SFPQ: variants seen among roughly 807,000 people sequenced by gnomAD.
SFPQ encodes splicing factor proline and glutamine rich.
SFPQ carries 11 observed loss-of-function variants against 72.9 expected under a neutral mutation model. The ratio of observed to expected loss-of-function variants is 0.15; its 90% CI spans 0.09 to 0.25. SFPQ has a LOEUF of 0.25. Among genes scored for constraint, SFPQ ranks in the 10% least tolerant of loss-of-function variants. The pLI is 1.00. For missense variants in SFPQ, 847 were observed against 993.3 expected (o/e 0.85, Z 1.98); for synonymous variants, 506 against 367.3 (o/e 1.38, Z -4.32).
At chr1:35,185,893 G>C (rs1639691655) in intron 9 of SFPQ, among the ~76,000 whole-genome samples, 1 of 152,090 alleles carries the variant, frequency 6.6e-6, no homozygotes, top group Non-Finnish European at 1.5e-5. Context: ...CTGTTATCTA[G>C]AATATAAACC....
downstream of SFPQ, chr1:35,179,663 T>C (rs1639387130): frequency 9.5e-7 from 1 of 1,056,084 alleles, no homozygotes. Flanking sequence ...AGTTTCTCAT[T>C]CTAAAGTGCA....
At chr1:35,177,598 G>A (rs919664676) in intron 4 of SFPQ, 2 of 152,622 alleles carry the variant, frequency 1.3e-5, no homozygotes, top group East Asian at 3.8e-4. Flanking sequence ...GCCTCCCAAA[G>A]TGCTAGGAAT....
downstream of SFPQ, chr1:35,178,910 T>A (rs1286704180): frequency 2.9e-6 from 3 of 1,052,422 alleles, no homozygotes; most frequent in African/African-American, 5.0e-5. Flanking sequence ...AATATTTTTT[T>A]CAGCACTGGT....
downstream of SFPQ, chr1:35,178,502 T>C: frequency 9.4e-7 from 1 of 1,062,992 alleles, no homozygotes; most frequent in Non-Finnish European, 1.1e-6. Context: ...CCAACTCCCC[T>C]TCCCACAGTA....
At chr1:35,182,401 G>A (rs987569643), downstream of SFPQ, 11 of 985,132 alleles carry the variant, frequency 1.1e-5, no homozygotes, top group Middle Eastern at 1.0e-3. Flanking sequence ...TCATATTTCC[G>A]AGTGTGCTGG....
chr1:35,178,681 G>A, downstream of SFPQ: 1 of 1,055,302 alleles, frequency 9.5e-7, no homozygotes, highest in South Asian at 4.6e-5. Flanking sequence ...TATATGCCTG[G>A]CAGGGCCACA....
chr1:35,190,614 A>C (rs769926593), intron 3 of SFPQ, 21 bp from the exon 4 acceptor site: 14 of 1,609,938 alleles, frequency 8.7e-6, no homozygotes. Flanking sequence ...AAATGGTTCC[A>C]TCTTAGCTTT....
chr1:35,181,350 A>T, downstream of SFPQ: 3 of 1,065,338 alleles, frequency 2.8e-6, no homozygotes, highest in Non-Finnish European at 2.3e-6. Context: ...GGCTTGCCCA[A>T]GAAAAGCCAA....
chr1:35,190,988 C>T lies in SFPQ; in HGVS notation c.1025G>A (p.Arg342Lys). Residue 342 changes from arginine to lysine, a missense_variant, in exon 3 of 10, where the codon AGA (arginine) becomes AAA (lysine). Coordinates refer to ENST00000357214, the MANE Select transcript of SFPQ (RefSeq NM_005066.3). Reference protein sequence around the residue: ...KGFGFIKLESRALAEIAKAEL... With the variant: ...KGFGFIKLESKALAEIAKAEL... The stretch of plus-strand genomic sequence containing the variant: ...GGCTTTGGCAATTTCAGCCAAAGCT[C>T]TAGATTCCTGTGTATCAGAGACACT... 6.2e-7 allele frequency: 1 copy of T among 1,612,916 alleles called. No homozygotes were observed. The highest frequency in any genetic ancestry group is 8.5e-7 in the Non-Finnish European group (1 of 1,179,514).
At chr1:35,182,013 A>G (rs922446018), downstream of SFPQ, 20 of 985,294 alleles carry the variant, frequency 2.0e-5, no homozygotes, top group African/African-American at 3.5e-5. Flanking sequence ...GAGATTATCC[A>G]TTAGCATCCT....
At chr1:35,180,906 C>T (rs1639441459), downstream of SFPQ, 1 of 985,266 alleles carries the variant, frequency 1.0e-6, no homozygotes, top group Non-Finnish European at 1.2e-6. Context: ...TCAGATATAC[C>T]AAAGAATCAA....
chr1:35,178,877 T>G (rs980824358), downstream of SFPQ: 9 of 1,039,592 alleles, frequency 8.7e-6, no homozygotes, highest in African/African-American at 1.8e-5. Flanking sequence ...CAAGCCCTTT[T>G]CACTCTCAAA....
chr1:35,182,675 G>A, downstream of SFPQ: 3 of 985,370 alleles, frequency 3.0e-6, no homozygotes, highest in Non-Finnish European at 1.2e-6. Flanking sequence ...CAAGAAAAGA[G>A]GTGAAAAGGA....
rs1257996332 is a variant in SFPQ, at chr1:35,192,300, G to C, written c.750C>G (p.Pro250=). ...EPRGGRQHHP[P]YHQQHHQGPP... ...GCCCCTGGTGATGCTGCTGGTGGTA[G>C]GGCGGGTGGTGCTGGCGGCCCCCGC... is the stretch of plus-strand genomic sequence containing the variant. The change falls in exon 1 of 10, where the codon CCC becomes CCG. Residue 250 remains proline (P), a synonymous_variant. Transcript: ENST00000357214. The C allele has an allele frequency of 2.8e-6, 4 of 1,452,740 alleles. No homozygotes were observed. Among genetic ancestry groups the C allele is most frequent in the South Asian group, 1.3e-5 (1 of 75,634 alleles). The allele number at this position is 1,452,740 out of a possible 1,614,324, so 90.0% of individuals were successfully genotyped here. A position where few individuals can be genotyped will look rare whatever the true frequency, so the allele number is the denominator to read the frequency against.
At chr1:35,178,350 T>C, downstream of SFPQ, 5 of 1,067,414 alleles carry the variant, frequency 4.7e-6, no homozygotes, top group Non-Finnish European at 5.7e-6. Flanking sequence ...TATGTGAAGG[T>C]ATGTGACAAC....
At chr1:35,181,032 G>C (rs1639447362), downstream of SFPQ, 1 of 1,064,960 alleles carries the variant, frequency 9.4e-7, no homozygotes, top group East Asian at 5.0e-5. Flanking sequence ...ACAAGTGTTA[G>C]GTGCTGCACT....
chr1:35,178,705 A>C, downstream of SFPQ: 2 of 1,054,644 alleles, frequency 1.9e-6, no homozygotes, highest in Non-Finnish European at 2.3e-6. Context: ...CACAAAACAA[A>C]GATCAGCCTT....
At chr1:35,178,939 T>C (rs776405296), downstream of SFPQ, 36 of 1,054,918 alleles carry the variant, frequency 3.4e-5, no homozygotes, top group Non-Finnish European at 4.0e-5. Flanking sequence ...GCAACGTTTT[T>C]ATGGTTAATG....
Position 35,184,179 on chromosome 1 carries a change from G to C in SFPQ, c.*277C>G. 1 of 1,166,292 alleles carries C rather than the reference G, an allele frequency of 8.6e-7. No individual in the cohort carries two copies. Among genetic ancestry groups the C allele is most frequent in the Non-Finnish European group, 1.1e-6 (1 of 947,488 alleles). 72.2% of individuals were successfully genotyped at this position (1,166,292 alleles called of 1,614,324 possible). A position where few individuals can be genotyped will look rare whatever the true frequency, so the allele number is the denominator to read the frequency against. The stretch of plus-strand genomic sequence containing the variant: ...AAAAAAAAAAAAATTGGTACACTTT[G>C]GAAATTCAGTGGCACAAGGTACACT... On this transcript the variant is annotated 3_prime_UTR_variant, in exon 10 of 10. Transcript: ENST00000357214.
Sources: allele counts gnomAD v4.1 joint callset (sites outside exome capture counted in the v4.1 genomes callset), GRCh38; gene constraint gnomAD v4.1.1; transcripts MANE v1.5; gene names NCBI Gene and HGNC (gene_info 2026-07-23, HGNC 2026-07-21).